The following FAM81A variants were observed in gnomAD, a reference collection of about 807,000 sequenced individuals.
FAM81A encodes the protein family with sequence similarity 81 member A.
In FAM81A, 19 loss-of-function variants were observed where a neutral mutation model predicts 46.7. The observed-to-expected ratio is 0.41, with a 90% confidence interval of 0.28 to 0.60. FAM81A has a LOEUF of 0.60. FAM81A is among the 20% of genes least tolerant of loss of function. The pLI, the probability that FAM81A is intolerant of heterozygous loss-of-function variation, is 0.34. For synonymous variants in FAM81A, 183 were observed against 152.9 expected, an observed-to-expected ratio of 1.20 and a Z score of -1.45; for missense variants, 377 against 453.5, an observed-to-expected ratio of 0.83 and a Z score of 1.53.
At chr15:59,415,350 C>A (rs185935097) in intron 2 of FAM81A, among the ~76,000 whole-genome samples, 93 of 152,202 alleles carry the variant, frequency 6.1e-4, no homozygotes, top group African/African-American at 2.1e-3. Context: ...GAACTCCTGA[C>A]CTCGTGATCC....
At chr15:59,513,461 C>T (rs1486634384) in intron 6 of FAM81A, among the ~76,000 whole-genome samples, 2 of 152,170 alleles carry the variant, frequency 1.3e-5, no homozygotes, top group African/African-American at 4.8e-5. Context: ...GTCGCTGTGT[C>T]ACCTCAGTGC....
intron 3 of FAM81A, among the ~76,000 whole-genome samples, chr15:59,477,059 A>G (rs1596506537): frequency 6.6e-6 from 1 of 151,034 alleles, no homozygotes; most frequent in Middle Eastern, 3.4e-3. Flanking sequence ...GGCGGAGGTT[A>G]CAGTCAGCCG....
intron 3 of FAM81A, among the ~76,000 whole-genome samples, chr15:59,479,410 C>CCT (rs1204757394): frequency 6.7e-6 from 1 of 148,998 alleles, no homozygotes; most frequent in Non-Finnish European, 1.5e-5. Flanking sequence ...GCTTGGGAGG[C>CCT]TGAGGCAGGA....
At chr15:59,405,818 A>G (rs139625840) in intron 2 of FAM81A, among the ~76,000 whole-genome samples, 15 of 152,172 alleles carry the variant, frequency 9.9e-5, no homozygotes, top group Admixed American at 5.9e-4. Flanking sequence ...TTTGCTCCCA[A>G]TAGTCAGCCT....
Position 59,400,812 on chromosome 15 carries a change from T to C in FAM81A, c.-160-1464T>C, listed in dbSNP as rs143191117. Among the ~76,000 whole-genome samples, 18 of 152,360 alleles carry C rather than the reference T, an allele frequency of 1.2e-4. No homozygotes were observed. In the East Asian group the frequency reaches 3.5e-3, roughly 29 times the overall value. On this transcript the variant is annotated intron_variant, in intron 1 of 4. Coordinates refer to the FAM81A transcript ENST00000558348. ...AAACTCCCAGTCTACTAAAAATCCT[T>C]GCACATTCCCTACTTTTCTTTCTCT... is the stretch of plus-strand genomic sequence containing the variant.
intron 3 of FAM81A, among the ~76,000 whole-genome samples, chr15:59,483,910 A>G (rs1218614453): frequency 6.6e-6 from 1 of 152,168 alleles, no homozygotes; most frequent in African/African-American, 2.4e-5. Flanking sequence ...GACAGGTTGT[A>G]GGGGCGGGCT....
At chr15:59,459,197 G>A (rs909249118) in intron 2 of FAM81A, among the ~76,000 whole-genome samples, 1 of 151,946 alleles carries the variant, frequency 6.6e-6, no homozygotes, top group Non-Finnish European at 1.5e-5. Context: ...ATAGGGTCTC[G>A]TTGTGTTGCC....
At chr15:59,518,225 G>A (rs1336576457) in intron 8 of FAM81A, among the ~76,000 whole-genome samples, 3 of 149,852 alleles carry the variant, frequency 2.0e-5, no homozygotes, top group Admixed American at 1.3e-4. Flanking sequence ...TGATCCTCCC[G>A]CCTCGGCCTG....
chr15:59,456,621 G>A (rs2081488022), intron 1 of FAM81A, among the ~76,000 whole-genome samples: 1 of 152,088 alleles, frequency 6.6e-6, no homozygotes, highest in Non-Finnish European at 1.5e-5. Context: ...TATTGCCCAG[G>A]CTGGAGTGCA....
At chr15:59,513,497 G>C (rs2082235321) in intron 6 of FAM81A, among the ~76,000 whole-genome samples, 1 of 152,196 alleles carries the variant, frequency 6.6e-6, no homozygotes, top group East Asian at 1.9e-4. Flanking sequence ...CTCGTGGGTA[G>C]GAAGCACAAT....
At chr15:59,453,849 C>T (rs936740680) in intron 1 of FAM81A, among the ~76,000 whole-genome samples, 1 of 152,084 alleles carries the variant, frequency 6.6e-6, no homozygotes, top group East Asian at 1.9e-4. Flanking sequence ...AGGTGAATCT[C>T]GATACCTCTC....
upstream of FAM81A, among the ~76,000 whole-genome samples, chr15:59,433,503 A>T (rs1016410436): frequency 6.6e-6 from 1 of 152,182 alleles, no homozygotes; most frequent in African/African-American, 2.4e-5. Flanking sequence ...TTATTGCGAG[A>T]TGGATTAGCC....
intron 2 of FAM81A, among the ~76,000 whole-genome samples, chr15:59,421,386 G>A (rs910941487): frequency 6.6e-6 from 1 of 152,128 alleles, no homozygotes; most frequent in Non-Finnish European, 1.5e-5. Flanking sequence ...GGACAACCTG[G>A]GGAGGACCTT....
chr15:59,506,495 C>T (rs1182962361), intron 4 of FAM81A, among the ~76,000 whole-genome samples: 1 of 152,182 alleles, frequency 6.6e-6, no homozygotes, highest in African/African-American at 2.4e-5. Context: ...GCAGAGTCAC[C>T]TAATGGCATT....
intron 8 of FAM81A, among the ~76,000 whole-genome samples, chr15:59,520,024 C>G (rs375211325): frequency 6.6e-6 from 1 of 152,132 alleles, no homozygotes; most frequent in Non-Finnish European, 1.5e-5. Flanking sequence ...AGGCCACATG[C>G]GACCCAGGAT....
intron 3 of FAM81A, among the ~76,000 whole-genome samples, chr15:59,489,291 A>ATACATACATACATACATATG (rs1450371410): frequency 6.7e-6 from 1 of 149,242 alleles, no homozygotes; most frequent in Non-Finnish European, 1.5e-5. Flanking sequence ...ACATACATAC[A>ATACATACATACATACATATG]TACATACATA....
At chr15:59,506,144 T>G (rs2082146580) in intron 4 of FAM81A, among the ~76,000 whole-genome samples, 1 of 149,926 alleles carries the variant, frequency 6.7e-6, no homozygotes, top group Admixed American at 6.7e-5. Flanking sequence ...AGCCACAGAT[T>G]TTTTTGTTTG....
chr15:59,417,551 CAAA>C (rs34839033), intron 2 of FAM81A, among the ~76,000 whole-genome samples: 1 of 139,510 alleles, frequency 7.2e-6, no homozygotes, highest in Non-Finnish European at 1.6e-5. Context: ...ACTAAAAATA[CAAA>C]AAAAAAAAAA....
chr15:59,461,608 A>G (rs961498295), intron 3 of FAM81A, among the ~76,000 whole-genome samples: 2 of 152,190 alleles, frequency 1.3e-5, no homozygotes, highest in Non-Finnish European at 2.9e-5. Flanking sequence ...GATGTGAGCC[A>G]CTGTGCCCAG....
Sources: allele counts gnomAD v4.1 joint callset (sites outside exome capture counted in the v4.1 genomes callset), GRCh38; gene constraint gnomAD v4.1.1; transcripts MANE v1.5; gene names NCBI Gene and HGNC (gene_info 2026-07-23, HGNC 2026-07-21).